Variants in EXOC6 observed in about 807,000 individuals in gnomAD.
EXOC6 encodes the protein SEC15-like 1.
Under a neutral mutation model 112.5 loss-of-function variants are expected in EXOC6, and 60 were observed. The ratio of observed to expected loss-of-function variants is 0.53; its 90% confidence interval spans 0.43 to 0.66. The LOEUF (loss-of-function observed/expected upper bound fraction) is 0.66. Among genes scored for constraint, EXOC6 ranks in the 30% least tolerant of loss-of-function variants. The pLI is 0.00. For missense variants in EXOC6, 855 were observed against 957.1 expected (o/e 0.89, Z 1.41); for synonymous variants, 295 against 308.0 (o/e 0.96, Z 0.44).
At chr10:92,887,560 C>G (rs1028131153) in intron 1 of EXOC6, among the ~76,000 whole-genome samples, 1 of 151,736 alleles carries the variant, frequency 6.6e-6, no homozygotes, top group Non-Finnish European at 1.5e-5. Flanking sequence ...CCACCACACC[C>G]AGCTAATTTT....
At chr10:92,898,520 A>G (rs1849960346) in intron 4 of EXOC6, among the ~76,000 whole-genome samples, 1 of 152,080 alleles carries the variant, frequency 6.6e-6, no homozygotes, top group Admixed American at 6.6e-5. Flanking sequence ...TTATTTTTAT[A>G]TGGAAATAGC....
chr10:92,875,610 T>TGAAAGTTTATA, intron 1 of EXOC6, among the ~76,000 whole-genome samples: 1 of 152,234 alleles, frequency 6.6e-6, no homozygotes, highest in East Asian at 1.9e-4. Context: ...ACTGAATTAA[T>TGAAAGTTTATA]GAAAAACACA....
chr10:92,950,759 A>G (rs541628810), intron 14 of EXOC6, among the ~76,000 whole-genome samples: 43 of 152,366 alleles, frequency 2.8e-4, no homozygotes, highest in African/African-American at 1.0e-3. Flanking sequence ...ATGGGAAGCC[A>G]TGAAAGAATT....
chr10:92,895,920 CTTA>C (rs1480870138), intron 4 of EXOC6, among the ~76,000 whole-genome samples: 4 of 127,160 alleles, frequency 3.1e-5, no homozygotes, highest in Non-Finnish European at 5.0e-5. Flanking sequence ...CATTTTTAAA[CTTA>C]TTATTTTTTT....
chr10:92,981,884 G>A (rs984326993), intron 18 of EXOC6, among the ~76,000 whole-genome samples: 2 of 152,176 alleles, frequency 1.3e-5, no homozygotes, highest in Non-Finnish European at 2.9e-5. Context: ...TTGGGAGGCC[G>A]AGTTGGGCAG....
intron 9 of EXOC6, 140 bp downstream of exon 9, chr10:92,928,562 G>A: frequency 3.6e-6 from 2 of 552,010 alleles, no homozygotes; most frequent in South Asian, 2.6e-5. Flanking sequence ...CATTGGTTTA[G>A]GTGCTAAGGG....
chr10:92,937,123 C>G (rs1422705748), intron 12 of EXOC6, among the ~76,000 whole-genome samples: 1 of 152,182 alleles, frequency 6.6e-6, no homozygotes, highest in Non-Finnish European at 1.5e-5. Flanking sequence ...TCCTTGATCA[C>G]AGATAATAAA....
chr10:93,058,375 C>A lies in EXOC6; in HGVS notation c.*20C>A. On this transcript the variant is annotated 3_prime_UTR_variant, in exon 22 of 22. Transcript: ENST00000260762. ...ATGTAGACCTCACATGGCTTGCACT[C>A]AGTGACACCAAATCCATGATTCAAT... 6.4e-7 allele frequency: 1 copy of A among 1,568,064 alleles called. No individual in the cohort carries two copies. The highest frequency in any genetic ancestry group is 1.2e-5 in the South Asian group (1 of 82,874).
chr10:92,834,301 C>T (rs146339192), upstream of EXOC6, among the ~76,000 whole-genome samples: 563 of 152,104 alleles, frequency 3.7e-3, 2 homozygotes, highest in African/African-American at 0.012. Flanking sequence ...AGCATAGTTG[C>T]GGTAATAACT....
At chr10:92,907,362 C>T (rs1312740075) in intron 5 of EXOC6, among the ~76,000 whole-genome samples, 1 of 152,126 alleles carries the variant, frequency 6.6e-6, no homozygotes, top group South Asian at 2.1e-4. Flanking sequence ...GAGTTCAACC[C>T]CCTGACCTTA....
intron 16 of EXOC6, 72 bp from the exon 17 acceptor site, chr10:92,955,508 C>A: frequency 8.2e-7 from 1 of 1,222,890 alleles, no homozygotes. Context: ...AGTAATAATC[C>A]CATTTTTAAA....
intron 1 of EXOC6, among the ~76,000 whole-genome samples, chr10:92,859,425 C>G (rs1661716205): frequency 6.6e-6 from 1 of 152,324 alleles, no homozygotes; most frequent in East Asian, 1.9e-4. Flanking sequence ...CCTTCGTTGG[C>G]ATCACATTCG....
At chr10:92,911,923 C>CG (rs1564823442) in intron 6 of EXOC6, among the ~76,000 whole-genome samples, 9 of 127,540 alleles carry the variant, frequency 7.1e-5, no homozygotes, top group African/African-American at 2.2e-4. Context: ...CTCTCTCTCT[C>CG]TCTCTCTCTG....
rs779584307 is a variant in EXOC6 at position 92,894,888 on chromosome 10, T to C, written c.322-42T>C. On this transcript the variant is annotated intron_variant, in intron 3 of 21. Coordinates refer to ENST00000260762, the MANE Select transcript of EXOC6 (RefSeq NM_019053.6). ...GGGTATTCAGTATGTAGTTGTTCTT[T>C]AACTGTTTGTTTAAAAATATGAACA... The C allele has an allele frequency of 4.7e-5, 76 of 1,606,976 alleles. No homozygotes were observed. The Admixed American group carries it at 1.3e-3, about 27-fold the overall frequency.
At chr10:93,028,280 G>C (rs1845111813) in intron 20 of EXOC6, among the ~76,000 whole-genome samples, 2 of 151,202 alleles carry the variant, frequency 1.3e-5, no homozygotes, top group South Asian at 4.2e-4. Context: ...CTGGGCAACA[G>C]AGCAAGACCC....
chr10:92,953,532 G>A (rs1211752257), intron 15 of EXOC6, among the ~76,000 whole-genome samples: 1 of 152,122 alleles, frequency 6.6e-6, no homozygotes, highest in Non-Finnish European at 1.5e-5. Context: ...AACATCTTTG[G>A]TTGTTACAGT....
At chr10:92,940,061 C>G (rs918708707) in intron 12 of EXOC6, among the ~76,000 whole-genome samples, 1 of 151,864 alleles carries the variant, frequency 6.6e-6, no homozygotes, top group Non-Finnish European at 1.5e-5. Flanking sequence ...GAGAAAGGTG[C>G]CTGTGGAAGT....
chr10:93,027,429 A>G (rs1301884938), intron 20 of EXOC6, among the ~76,000 whole-genome samples: 1 of 119,968 alleles, frequency 8.3e-6, no homozygotes, highest in African/African-American at 3.1e-5. Context: ...AGTGTAGATC[A>G]AACAACCTTC....
intron 18 of EXOC6, among the ~76,000 whole-genome samples, chr10:92,974,776 C>G (rs373233774): frequency 1.3e-5 from 2 of 152,156 alleles, no homozygotes; most frequent in Admixed American, 6.5e-5. Context: ...CTGTGTTGGC[C>G]GGGCTGGTCT....
Sources: allele counts gnomAD v4.1 joint callset (sites outside exome capture counted in the v4.1 genomes callset), GRCh38; gene constraint gnomAD v4.1.1; transcripts MANE v1.5; gene names NCBI Gene and HGNC (gene_info 2026-07-23, HGNC 2026-07-21).